BCAS3: variants seen among roughly 807,000 people sequenced by gnomAD.
BCAS3 encodes the protein BCAS4/BCAS3 fusion.
A neutral mutation model predicts 116.1 loss-of-function variants in BCAS3; 53 were observed. The ratio of observed to expected loss-of-function variants is 0.46; its 90% CI spans 0.37 to 0.57. The LOEUF is 0.57. BCAS3 is among the 20% of genes least tolerant of loss of function. The probability of loss-of-function intolerance (pLI) is 0.00; values close to 1 mark genes in which losing one functional copy is unlikely to be tolerated. For missense variants in BCAS3, 917 were observed against 1,165.4 expected, an observed-to-expected ratio of 0.79 and a Z score of 3.10; for synonymous variants, 391 against 408.2, an observed-to-expected ratio of 0.96 and a Z score of 0.51.
intron 22 of BCAS3, among the ~76,000 whole-genome samples, chr17:61,232,939 T>G (rs952292851): frequency 5.3e-5 from 8 of 152,340 alleles, no homozygotes; most frequent in African/African-American, 1.9e-4. Context: ...CGGCATCAGT[T>G]GGGAATTTCA....
chr17:60,753,676 T>C (rs2042716319), intron 6 of BCAS3, among the ~76,000 whole-genome samples: 1 of 152,144 alleles, frequency 6.6e-6, no homozygotes, highest in South Asian at 2.1e-4. Context: ...CCCAAAGTGC[T>C]GGGATTAGAG....
chr17:60,773,466 T>C (rs538243797), intron 6 of BCAS3, among the ~76,000 whole-genome samples: 2 of 152,032 alleles, frequency 1.3e-5, no homozygotes, highest in South Asian at 4.2e-4. Context: ...CTGATTTTTG[T>C]ATTTTTTGTA....
At chr17:60,720,979 G>C (rs2039174451) in intron 5 of BCAS3, among the ~76,000 whole-genome samples, 1 of 152,100 alleles carries the variant, frequency 6.6e-6, no homozygotes, top group Admixed American at 6.6e-5. Flanking sequence ...AAGTGCGGCT[G>C]CTCCTTGAAA....
chr17:60,733,558 TGG>T (rs1277314885), intron 5 of BCAS3, among the ~76,000 whole-genome samples: 1 of 152,140 alleles, frequency 6.6e-6, no homozygotes, highest in Non-Finnish European at 1.5e-5. Context: ...ACTGGATGTT[TGG>T]TTGGGTGTGG....
intron 10 of BCAS3, among the ~76,000 whole-genome samples, chr17:60,892,042 T>G (rs544478029): frequency 6.6e-6 from 1 of 152,342 alleles, no homozygotes; most frequent in African/African-American, 2.4e-5. Context: ...TTTATTCAAA[T>G]AATCAGCTGC....
intron 22 of BCAS3, among the ~76,000 whole-genome samples, chr17:61,120,556 G>A (rs951751813): frequency 6.6e-6 from 1 of 152,006 alleles, no homozygotes; most frequent in African/African-American, 2.4e-5. Context: ...TGAATAGCCT[G>A]ATGTATCCCT....
intron 13 of BCAS3, among the ~76,000 whole-genome samples, chr17:60,927,747 G>C (rs1026095940): frequency 6.6e-6 from 1 of 152,032 alleles, no homozygotes; most frequent in African/African-American, 2.4e-5. Flanking sequence ...TTAGTTAACT[G>C]TACCTGTAAA....
rs1211874976 is a variant in BCAS3 at position 60,713,734 on chromosome 17, G to A, written c.321+4409G>A. 2.6e-5 allele frequency among the ~76,000 whole-genome samples: 4 copies of A among 152,214 alleles called. No homozygotes were observed. In the South Asian group the frequency reaches 6.2e-4, roughly 24 times the overall value. ...ATATGCAAATACTATGCCATTTTATGTAAAGGACTTGAGCATGATGGACTT... is the reference window on the plus strand; with the variant it reads ...ATATGCAAATACTATGCCATTTTATATAAAGGACTTGAGCATGATGGACTT... On this transcript the variant is annotated intron_variant, in intron 5 of 23. Coordinates refer to ENST00000407086, the MANE Select transcript of BCAS3 (RefSeq NM_017679.5).
chr17:61,270,269 G>A (rs564883517), intron 22 of BCAS3, among the ~76,000 whole-genome samples: 7 of 151,830 alleles, frequency 4.6e-5, no homozygotes, highest in Non-Finnish European at 8.8e-5. Context: ...ACAGGTGCCC[G>A]CCACCGCGCC....
chr17:60,678,875 G>A (rs926770152), intron 1 of BCAS3, among the ~76,000 whole-genome samples: 2 of 152,158 alleles, frequency 1.3e-5, no homozygotes, highest in African/African-American at 4.8e-5. Flanking sequence ...AGACCAAGGG[G>A]TACAGCAGGA....
chr17:60,715,136 T>C (rs562003922), intron 5 of BCAS3, among the ~76,000 whole-genome samples: 86 of 140,116 alleles, frequency 6.1e-4, no homozygotes, highest in African/African-American at 8.3e-4. Context: ...CTCTTTCTTT[T>C]TTTTTTTTTT....
chr17:60,751,536 CTTTTTCTTTTTTTTTT>C (rs1363883162), intron 6 of BCAS3, among the ~76,000 whole-genome samples: 1 of 149,552 alleles, frequency 6.7e-6, no homozygotes, highest in African/African-American at 2.5e-5. Context: ...TCTTTTTTTT[CTTTTTCTTTTTTTTTT>C]TTTTTTTGAG....
At chr17:60,937,875 T>A (rs2060016414) in intron 13 of BCAS3, among the ~76,000 whole-genome samples, 1 of 152,240 alleles carries the variant, frequency 6.6e-6, no homozygotes, top group Non-Finnish European at 1.5e-5. Flanking sequence ...GTATCTGTAA[T>A]TTTTCCTTGA....
chr17:60,943,300 G>T (rs1169194325), intron 13 of BCAS3, among the ~76,000 whole-genome samples: 1 of 152,086 alleles, frequency 6.6e-6, no homozygotes, highest in Non-Finnish European at 1.5e-5. Flanking sequence ...TAAAGGCAGT[G>T]ATTTGATTGA....
At position 61,346,479 on chromosome 17, in the gene BCAS3, G is replaced by A. The variant is rs2057512761; in HGVS notation, c.2426-21848G>A. On this transcript the variant is annotated intron_variant, in intron 22 of 23. Transcript: ENST00000407086. The surrounding 1 kb of genome is among the most constrained non-coding windows in gnomAD (Gnocchi z 5.4). ...GAAGAGCTGCCTGGGGCTGTTGTGA[G>A]GCTCTGTGGGATAGCAGCACATTCA... Among the ~76,000 whole-genome samples the A allele has an allele frequency of 6.6e-6, 1 of 152,186 alleles. No homozygotes were observed.
intron 13 of BCAS3, among the ~76,000 whole-genome samples, chr17:60,943,503 G>A (rs1385011508): frequency 2.0e-5 from 3 of 152,046 alleles, no homozygotes; most frequent in African/African-American, 7.2e-5. Flanking sequence ...CATGTTAAAA[G>A]GGTTAATTGA....
chr17:61,186,866 A>G lies in BCAS3; in HGVS notation c.2425+102302A>G, dbSNP rs1160574620. On this transcript the variant is annotated intron_variant, in intron 22 of 23. Transcript: ENST00000407086. The surrounding 1 kb of genome is among the most constrained non-coding windows in gnomAD (Gnocchi z 4.9). ...GCTGGGAGTACAGGCACCCGCCACCATGTCCAGCTAATTTTTTGTATTTTT... is the reference window on the plus strand; with the variant it reads ...GCTGGGAGTACAGGCACCCGCCACCGTGTCCAGCTAATTTTTTGTATTTTT... 6.6e-6 allele frequency among the ~76,000 whole-genome samples: 1 copy of G among 151,996 alleles called. No homozygotes were observed. The highest frequency in any genetic ancestry group is 1.5e-5 in the Non-Finnish European group (1 of 67,992).
At chr17:60,779,952 G>C (rs1219228277) in intron 6 of BCAS3, among the ~76,000 whole-genome samples, 2 of 151,450 alleles carry the variant, frequency 1.3e-5, no homozygotes, top group African/African-American at 4.8e-5. Context: ...CAATATTTTT[G>C]GGAAAATATT....
At chr17:60,809,146 T>C (rs190963794) in intron 7 of BCAS3, among the ~76,000 whole-genome samples, 250 of 151,794 alleles carry the variant, frequency 1.6e-3, no homozygotes, top group Admixed American at 2.9e-3. Flanking sequence ...TAGCCCAGTG[T>C]GGTGGCATGT....
Sources: gnomAD v4.1 joint callset for allele counts (sites outside exome capture counted in the v4.1 genomes callset) on GRCh38, gnomAD v4.1.1 for gene constraint, Gnocchi (gnomAD v3.1) non-coding constraint, MANE v1.5 for transcripts, NCBI Gene and HGNC (gene_info 2026-07-23, HGNC 2026-07-21) for gene names.